ABCA13: variants seen among roughly 807,000 people sequenced by gnomAD.
ABCA13 encodes ATP binding cassette subfamily A member 13.
Under a neutral mutation model 478.7 loss-of-function variants are expected in ABCA13, and 476 were observed. The observed-to-expected ratio is 0.99, with a 90% confidence interval of 0.92 to 1.07. The LOEUF (loss-of-function observed/expected upper bound fraction) is 1.07, where lower values mean the gene tolerates loss of function less well. Among genes scored for constraint, ABCA13 ranks in the 50% least tolerant of loss-of-function variants. The pLI is 0.00. For missense variants in ABCA13, 6,060 were observed against 5,910.6 expected, an observed-to-expected ratio of 1.03 and a Z score of -0.83; for synonymous variants, 2,252 against 2,158.9, an observed-to-expected ratio of 1.04 and a Z score of -1.20.
chr7:48,172,553 T>C (rs1342633977), intron 1 of ABCA13, among the ~76,000 whole-genome samples: 1 of 151,956 alleles, frequency 6.6e-6, no homozygotes, highest in Non-Finnish European at 1.5e-5. Context: ...CCCAGCACTT[T>C]GGGAGGCCGA....
intron 55 of ABCA13, among the ~76,000 whole-genome samples, chr7:48,569,260 C>T (rs779674763): frequency 1.1e-4 from 17 of 151,988 alleles, no homozygotes; most frequent in Admixed American, 9.2e-4. Flanking sequence ...ACAGCTGTAT[C>T]TTCTCTTTAT....
At chr7:48,199,675 C>A (rs961352228) in intron 3 of ABCA13, among the ~76,000 whole-genome samples, 1 of 152,060 alleles carries the variant, frequency 6.6e-6, no homozygotes, top group Middle Eastern at 3.2e-3. Context: ...AAAGTGATAA[C>A]CCTGAAAAGT....
intron 26 of ABCA13, among the ~76,000 whole-genome samples, chr7:48,314,681 C>T (rs1802290027): frequency 6.6e-6 from 1 of 152,168 alleles, no homozygotes; most frequent in Non-Finnish European, 1.5e-5. Flanking sequence ...CCATTGGTTT[C>T]CCAGGCTAAC....
In ABCA13 at chr7:48,389,246, A is replaced by G. The variant is rs191975026; in HGVS notation, c.11654+26A>G. 2.6e-4 allele frequency: 410 copies of G among 1,584,016 alleles called. 6 individuals carry two copies. In the East Asian group the frequency reaches 5.1e-3, roughly 20 times the overall value. ...GTGGGTCCCATTTTACCCTTATCAA[A>G]CACTGGGCATTTGATTCTTAAAACT... is the stretch of plus-strand genomic sequence containing the variant. On this transcript the variant is annotated intron_variant, in intron 37 of 61. Transcript: ENST00000435803.
Position 48,245,498 on chromosome 7 carries a change from T to G in ABCA13, c.1391-14T>G. The stretch of plus-strand genomic sequence containing the variant: ...TACCTTAGGTGAATAATAATCAATT[T>G]GTCTACTTTGCAGAAGTCCTCATTT... On this transcript the variant is annotated splice_polypyrimidine_tract_variant and intron_variant, in intron 11 of 61. Coordinates refer to ENST00000435803, the MANE Select transcript of ABCA13 (RefSeq NM_152701.5). 2 of 1,596,946 alleles carry G rather than the reference T, an allele frequency of 1.3e-6. No individual in the cohort carries two copies. Among genetic ancestry groups the G allele is most frequent in the Non-Finnish European group, 1.7e-6 (2 of 1,171,588 alleles).
At chr7:48,401,973 G>T (rs1394675708) in intron 38 of ABCA13, among the ~76,000 whole-genome samples, 2 of 152,188 alleles carry the variant, frequency 1.3e-5, no homozygotes, top group Admixed American at 1.3e-4. Context: ...TAGAAGCATG[G>T]TTGGTCCCTT....
At chr7:48,342,281 T>C (rs2128960751) in intron 29 of ABCA13, among the ~76,000 whole-genome samples, 1 of 152,260 alleles carries the variant, frequency 6.6e-6, no homozygotes, top group South Asian at 2.1e-4. Context: ...CATTGTTGGG[T>C]GCCGTCTTGA....
At chr7:48,602,959 G>C (rs1406711176) in intron 58 of ABCA13, among the ~76,000 whole-genome samples, 1 of 152,052 alleles carries the variant, frequency 6.6e-6, no homozygotes, top group African/African-American at 2.4e-5. Flanking sequence ...CTTGTAAGTT[G>C]TATTCCTATG....
chr7:48,523,654 ATG>A (rs904360581), intron 53 of ABCA13, among the ~76,000 whole-genome samples: 5 of 152,070 alleles, frequency 3.3e-5, no homozygotes, highest in Admixed American at 3.3e-4. Context: ...GGAAAGTTAA[ATG>A]TGTCAGATTG....
intron 3 of ABCA13, among the ~76,000 whole-genome samples, chr7:48,200,687 AG>A (rs1329089638): frequency 6.6e-6 from 1 of 152,192 alleles, no homozygotes; most frequent in African/African-American, 2.4e-5. Flanking sequence ...AGAGGGAGAA[AG>A]GAGACAAGAA....
intron 48 of ABCA13, 121 bp downstream of exon 48, chr7:48,489,465 G>T: frequency 1.3e-6 from 1 of 799,878 alleles, no homozygotes; most frequent in Non-Finnish European, 2.0e-6. Flanking sequence ...TTTCTACTTG[G>T]CAACCAATCC....
intron 16 of ABCA13, among the ~76,000 whole-genome samples, 199 bp downstream of exon 16, chr7:48,269,293 T>C (rs957324316): frequency 6.6e-6 from 1 of 152,210 alleles, no homozygotes; most frequent in Non-Finnish European, 1.5e-5. Flanking sequence ...ATAGAATGTA[T>C]GACTCAATGG....
At chr7:48,218,446 G>T (rs1786820015) in intron 3 of ABCA13, among the ~76,000 whole-genome samples, 1 of 152,204 alleles carries the variant, frequency 6.6e-6, no homozygotes, top group Non-Finnish European at 1.5e-5. Flanking sequence ...ACTTTGGAAG[G>T]CCAAAGTGGG....
chr7:48,434,552 T>C (rs1257675473), intron 42 of ABCA13, among the ~76,000 whole-genome samples: 2 of 151,982 alleles, frequency 1.3e-5, no homozygotes, highest in Non-Finnish European at 2.9e-5. Flanking sequence ...TTGTTGCCTG[T>C]GCTTATGGTG....
chr7:48,331,820 G>A (rs552991757), intron 27 of ABCA13, among the ~76,000 whole-genome samples: 84 of 152,228 alleles, frequency 5.5e-4, no homozygotes, highest in African/African-American at 2.0e-3. Flanking sequence ...TTCATCGCCA[G>A]CACTGAAGCA....
intron 29 of ABCA13, among the ~76,000 whole-genome samples, chr7:48,345,148 G>A (rs896172850): frequency 5.9e-5 from 9 of 152,188 alleles, no homozygotes; most frequent in African/African-American, 2.2e-4. Flanking sequence ...TGTTTGTGGG[G>A]ATGTTGGTGT....
At chr7:48,422,365 GTGCTGTGACCCATTCTT>G (rs1233882168) in intron 41 of ABCA13, among the ~76,000 whole-genome samples, 5 of 152,154 alleles carry the variant, frequency 3.3e-5, no homozygotes, top group Admixed American at 6.6e-5. Context: ...TTTGACTGGA[GTGCTGTGACCCATTCTT>G]TGCATTCTGT....
chr7:48,610,974 A>G (rs1791972685), intron 58 of ABCA13, among the ~76,000 whole-genome samples: 1 of 152,114 alleles, frequency 6.6e-6, no homozygotes, highest in Admixed American at 6.6e-5. Flanking sequence ...CTTTTGAGGC[A>G]TTTTCCCCAT....
At chr7:48,235,630 T>C (rs949997757) in intron 8 of ABCA13, among the ~76,000 whole-genome samples, 1 of 152,214 alleles carries the variant, frequency 6.6e-6, no homozygotes, top group African/African-American at 2.4e-5. Flanking sequence ...TCAAGGTGTC[T>C]GCAGGGCTGC....
Sources: allele counts gnomAD v4.1 joint callset (sites outside exome capture counted in the v4.1 genomes callset), GRCh38; gene constraint gnomAD v4.1.1; transcripts MANE v1.5; gene names NCBI Gene and HGNC (gene_info 2026-07-23, HGNC 2026-07-21).